Variants in ATG10 observed in about 807,000 individuals in gnomAD.
ATG10 encodes the protein ubiquitin-like-conjugating enzyme ATG10.
In ATG10, 30 loss-of-function variants were observed where a neutral mutation model predicts 32.1. The ratio of observed to expected loss-of-function variants is 0.94; its 90% CI spans 0.70 to 1.27. ATG10 has a LOEUF of 1.27. ATG10 is among the 50% of genes most tolerant of loss of function. ATG10 has a pLI of 0.00. For missense variants in ATG10, 233 were observed against 262.3 expected, an observed-to-expected ratio of 0.89 and a Z score of 0.77; for synonymous variants, 87 against 91.5, an observed-to-expected ratio of 0.95 and a Z score of 0.28.
chr5:82,171,658 A>C (rs1306453671), intron 4 of ATG10, among the ~76,000 whole-genome samples: 1 of 152,236 alleles, frequency 6.6e-6, no homozygotes, highest in African/African-American at 2.4e-5. Context: ...GAGAAATCAC[A>C]TATCTGCTAT....
chr5:82,125,189 C>G (rs914965050), intron 3 of ATG10, among the ~76,000 whole-genome samples: 4 of 152,088 alleles, frequency 2.6e-5, no homozygotes, highest in Admixed American at 2.6e-4. Context: ...GATATTAGCC[C>G]TTTGTCAGAT....
intron 3 of ATG10, among the ~76,000 whole-genome samples, chr5:82,064,685 T>C (rs1763885378): frequency 6.6e-6 from 1 of 152,098 alleles, no homozygotes; most frequent in African/African-American, 2.4e-5. Flanking sequence ...TATTATCTTA[T>C]TTAATCTTCA....
intron 5 of ATG10, among the ~76,000 whole-genome samples, chr5:82,216,932 G>T (rs543366940): frequency 3.9e-4 from 59 of 152,144 alleles, no homozygotes; most frequent in African/African-American, 1.4e-3. Flanking sequence ...GTGCGTGCCT[G>T]TAGTCCCAGC....
chr5:82,027,376 G>A (rs1762624137), intron 2 of ATG10, among the ~76,000 whole-genome samples: 1 of 152,058 alleles, frequency 6.6e-6, no homozygotes, highest in African/African-American at 2.4e-5. Flanking sequence ...TCTAGCTGGG[G>A]TGACAGAGTG....
At chr5:82,153,718 T>C (rs1373789818) in intron 3 of ATG10, among the ~76,000 whole-genome samples, 2 of 152,164 alleles carry the variant, frequency 1.3e-5, no homozygotes, top group East Asian at 3.8e-4. Context: ...AGGTAAAATT[T>C]TATGTACTTG....
chr5:82,190,232 T>C (rs905575515), intron 5 of ATG10, among the ~76,000 whole-genome samples: 1 of 152,048 alleles, frequency 6.6e-6, no homozygotes, highest in African/African-American at 2.4e-5. Flanking sequence ...TTAAATAAAA[T>C]ACAAAATATC....
chr5:82,226,805 C>T (rs1360949937), intron 5 of ATG10, among the ~76,000 whole-genome samples: 1 of 152,152 alleles, frequency 6.6e-6, no homozygotes. Flanking sequence ...TGCATTACAT[C>T]TAATCATTAT....
At chr5:82,142,273 C>T (rs1184790768) in intron 3 of ATG10, among the ~76,000 whole-genome samples, 1 of 152,162 alleles carries the variant, frequency 6.6e-6, no homozygotes, top group African/African-American at 2.4e-5. Flanking sequence ...TAATTCCTCT[C>T]AGTAAGATAT....
chr5:82,211,474 A>G (rs1376386440), intron 5 of ATG10, among the ~76,000 whole-genome samples: 1 of 152,030 alleles, frequency 6.6e-6, no homozygotes, highest in Non-Finnish European at 1.5e-5. Flanking sequence ...CTTCCCTGCT[A>G]TACTTTCCAC....
chr5:82,172,148 A>C (rs1389503145), intron 4 of ATG10, among the ~76,000 whole-genome samples: 1 of 152,190 alleles, frequency 6.6e-6, no homozygotes, highest in Admixed American at 6.5e-5. Context: ...GGAAAATTCC[A>C]GATACTCATA....
At chr5:82,198,294 G>A (rs942115352) in intron 5 of ATG10, among the ~76,000 whole-genome samples, 10 of 152,122 alleles carry the variant, frequency 6.6e-5, no homozygotes, top group Non-Finnish European at 8.8e-5. Context: ...ATGCTAAGTC[G>A]CCCAGGCTGG....
intron 2 of ATG10, among the ~76,000 whole-genome samples, chr5:82,016,981 C>A (rs141541214): frequency 0.014 from 2,183 of 152,264 alleles, 38 homozygotes; most frequent in Non-Finnish European, 0.018. Flanking sequence ...TGAGCCACTG[C>A]GCCCAGCCCC....
At position 82,187,003 on chromosome 5, in the gene ATG10, A is replaced by C. The variant is rs561305004; in HGVS notation, c.453+8416A>C. ...TCTGTTTGTTCCTTAGACTTCCCCT[A>C]CATTAAGAAATATATGAAGAATGGC... On this transcript the variant is annotated intron_variant, in intron 5 of 7. Transcript: ENST00000282185. Among the ~76,000 whole-genome samples, 7 of 152,282 alleles carry C rather than the reference A, an allele frequency of 4.6e-5. No individual in the cohort carries two copies. In the East Asian group the frequency reaches 1.4e-3, roughly 29 times the overall value.
At chr5:82,186,991 T>TA (rs1744471870) in intron 5 of ATG10, among the ~76,000 whole-genome samples, 1 of 152,168 alleles carries the variant, frequency 6.6e-6, no homozygotes, top group South Asian at 2.1e-4. Flanking sequence ...GTTTGTTCCT[T>TA]AGACTTCCCC....
intron 2 of ATG10, among the ~76,000 whole-genome samples, chr5:82,033,793 A>G (rs1762814357): frequency 6.6e-6 from 1 of 151,526 alleles, no homozygotes; most frequent in Non-Finnish European, 1.5e-5. Context: ...TGTTTGTACT[A>G]TATGTGTATA....
At chr5:82,051,869 T>A (rs1273769692) in intron 2 of ATG10, among the ~76,000 whole-genome samples, 1 of 152,188 alleles carries the variant, frequency 6.6e-6, no homozygotes, top group African/African-American at 2.4e-5. Flanking sequence ...AGTATAAACT[T>A]TTCTACTTAG....
chr5:82,201,553 C>G (rs895532015), intron 5 of ATG10, among the ~76,000 whole-genome samples: 2 of 152,134 alleles, frequency 1.3e-5, no homozygotes, highest in Non-Finnish European at 2.9e-5. Context: ...CTTATTGTAG[C>G]TTTATATTAA....
intron 3 of ATG10, among the ~76,000 whole-genome samples, chr5:82,128,234 CTT>C (rs140955872): frequency 0.43 from 65,744 of 151,404 alleles, 14,860 homozygotes; most frequent in East Asian, 0.76. Flanking sequence ...GGTCTTGACT[CTT>C]TATCCAATAT....
intron 2 of ATG10, among the ~76,000 whole-genome samples, chr5:82,007,680 C>T (rs566560662): frequency 3.9e-4 from 60 of 152,194 alleles, no homozygotes; most frequent in African/African-American, 1.3e-3. Flanking sequence ...TATCAAACTC[C>T]TGGGCTCAAG....
Sources: allele counts gnomAD v4.1 joint callset (sites outside exome capture counted in the v4.1 genomes callset), GRCh38; gene constraint gnomAD v4.1.1; transcripts MANE v1.5; gene names NCBI Gene and HGNC (gene_info 2026-07-23, HGNC 2026-07-21).